The following KHDRBS2 variants were observed in gnomAD, a reference collection of about 807,000 sequenced individuals.
The protein encoded by KHDRBS2 is KH domain-containing, RNA-binding, signal transduction-associated protein 2.
In KHDRBS2, 26 loss-of-function variants were observed where a neutral mutation model predicts 44.3. The observed-to-expected ratio is 0.59, with a 90% CI of 0.43 to 0.81. The LOEUF (loss-of-function observed/expected upper bound fraction) is 0.81. KHDRBS2 is among the 40% of genes least tolerant of loss of function. The pLI is 0.00. For missense variants in KHDRBS2, 476 were observed against 433.1 expected (o/e 1.10, Z -0.88); for synonymous variants, 194 against 151.1 (o/e 1.28, Z -2.08).
At position 62,254,435 on chromosome 6, in the gene KHDRBS2, T is replaced by C. The variant is rs1837043616; in HGVS notation, c.91+31423A>G. Among the ~76,000 whole-genome samples, 3 of 152,010 alleles carry C rather than the reference T, an allele frequency of 2.0e-5. No homozygotes were observed. In the South Asian group the frequency reaches 6.2e-4, roughly 31 times the overall value. ...ATGTTTTCAATAAAAGCAAATATGA[T>C]TATGAGACAGAGGGGAGTGAGGAGG... On this transcript the variant is annotated intron_variant, in intron 1 of 8. Coordinates refer to ENST00000281156, the MANE Select transcript of KHDRBS2 (RefSeq NM_152688.4).
intron 6 of KHDRBS2, among the ~76,000 whole-genome samples, chr6:61,802,557 C>T (rs1342130723): frequency 6.6e-6 from 1 of 152,080 alleles, no homozygotes; most frequent in Non-Finnish European, 1.5e-5. Context: ...AATCTGTACA[C>T]AATAAGTTAT....
the KHDRBS2 span, among the ~76,000 whole-genome samples, chr6:61,560,627 C>G: frequency 1.3e-5 from 2 of 152,158 alleles, no homozygotes; most frequent in East Asian, 3.9e-4. Flanking sequence ...ATTCCAATTG[C>G]ATTTTTCAGA....
At chr6:62,179,122 A>G (rs1221544114) in intron 1 of KHDRBS2, among the ~76,000 whole-genome samples, 2 of 151,560 alleles carry the variant, frequency 1.3e-5, no homozygotes, top group Non-Finnish European at 3.0e-5. Flanking sequence ...CTTTTCGCAT[A>G]CTATTTATTT....
At chr6:61,639,226 T>G in the KHDRBS2 span, among the ~76,000 whole-genome samples, 48 of 152,208 alleles carry the variant, frequency 3.2e-4, no homozygotes, top group African/African-American at 1.0e-3. Flanking sequence ...GACTGCCTGC[T>G]CTAAAGGACA....
At chr6:61,633,722 A>G in the KHDRBS2 span, among the ~76,000 whole-genome samples, 1 of 152,010 alleles carries the variant, frequency 6.6e-6, no homozygotes, top group African/African-American at 2.4e-5. Flanking sequence ...TGCCAAATAT[A>G]AGAATGAGCA....
At chr6:61,908,673 A>T (rs1805500742) in intron 4 of KHDRBS2, among the ~76,000 whole-genome samples, 1 of 151,750 alleles carries the variant, frequency 6.6e-6, no homozygotes, top group Admixed American at 6.6e-5. Flanking sequence ...TAAAAGAAAA[A>T]TTGACATATG....
At chr6:61,929,156 T>C (rs530958088) in intron 4 of KHDRBS2, among the ~76,000 whole-genome samples, 2 of 152,124 alleles carry the variant, frequency 1.3e-5, no homozygotes, top group Non-Finnish European at 1.5e-5. Context: ...TGTGTGGTTA[T>C]AAAAGTCACC....
chr6:61,599,468 C>A, the KHDRBS2 span, among the ~76,000 whole-genome samples: 10 of 151,946 alleles, frequency 6.6e-5, no homozygotes, highest in South Asian at 2.1e-4. Flanking sequence ...GTAGCCCCCC[C>A]AAAAAATTTT....
intron 2 of KHDRBS2, among the ~76,000 whole-genome samples, chr6:62,061,843 T>G (rs2127327551): frequency 6.7e-6 from 1 of 149,280 alleles, no homozygotes; most frequent in East Asian, 2.0e-4. Context: ...TTTCACATAG[T>G]CCCATATTTC....
intron 6 of KHDRBS2, among the ~76,000 whole-genome samples, chr6:61,843,477 C>T (rs1793908910): frequency 6.6e-6 from 1 of 151,384 alleles, no homozygotes; most frequent in African/African-American, 2.4e-5. Flanking sequence ...CCTTGAACTA[C>T]TCTCAGCCTC....
intron 3 of KHDRBS2, among the ~76,000 whole-genome samples, chr6:62,036,098 A>G (rs1194554624): frequency 6.6e-6 from 1 of 151,988 alleles, no homozygotes; most frequent in Non-Finnish European, 1.5e-5. Flanking sequence ...CTAGAGTTGC[A>G]GAGAAGTGGT....
chr6:62,216,673 A>G (rs1471740519), intron 1 of KHDRBS2, among the ~76,000 whole-genome samples: 1 of 147,382 alleles, frequency 6.8e-6, no homozygotes, highest in Non-Finnish European at 1.5e-5. Context: ...GCTTCAAATA[A>G]TCTAAACATA....
chr6:61,586,499 C>G, the KHDRBS2 span, among the ~76,000 whole-genome samples: 2 of 152,150 alleles, frequency 1.3e-5, no homozygotes, highest in African/African-American at 2.4e-5. Context: ...ATGACAGTGT[C>G]CAAGACTTTT....
the KHDRBS2 span, among the ~76,000 whole-genome samples, chr6:61,647,934 T>G: frequency 6.6e-6 from 1 of 152,124 alleles, no homozygotes; most frequent in Non-Finnish European, 1.5e-5. Flanking sequence ...AACAAGTATC[T>G]TGGTAAAAAA....
At chr6:61,660,535 A>T in the KHDRBS2 span, among the ~76,000 whole-genome samples, 1 of 151,876 alleles carries the variant, frequency 6.6e-6, no homozygotes, top group East Asian at 1.9e-4. Context: ...AGTTATTTTA[A>T]AATACAAGAA....
At chr6:62,054,057 T>C (rs13215248) in intron 2 of KHDRBS2, among the ~76,000 whole-genome samples, 7 of 152,092 alleles carry the variant, frequency 4.6e-5, no homozygotes, top group Non-Finnish European at 1.0e-4. Flanking sequence ...AGATATATTG[T>C]GTTCATAAAT....
At chr6:62,085,379 A>T (rs1258331647) in intron 2 of KHDRBS2, among the ~76,000 whole-genome samples, 1 of 152,144 alleles carries the variant, frequency 6.6e-6, no homozygotes, top group Non-Finnish European at 1.5e-5. Context: ...AATCATTAAA[A>T]TATGGAGGGT....
rs375690873 is a variant in KHDRBS2, at chr6:62,096,418, A to C, written c.220-48424T>G. Among the ~76,000 whole-genome samples the C allele has an allele frequency of 6.6e-5, 10 of 151,770 alleles. No homozygotes were observed. In the East Asian group the frequency reaches 7.7e-4, roughly 12 times the overall value. ...ATTTTCATTCATTTTTGGTCTTATA[A>C]GATTATCTATTTATTCATGATTCAA... On this transcript the variant is annotated intron_variant, in intron 2 of 8. Transcript: ENST00000281156.
chr6:62,181,473 G>T (rs1240935488), intron 1 of KHDRBS2, among the ~76,000 whole-genome samples: 1 of 151,908 alleles, frequency 6.6e-6, no homozygotes, highest in Non-Finnish European at 1.5e-5. Context: ...TCAGAGAAAT[G>T]CAAATCAAAG....
Sources: gnomAD v4.1 joint callset for allele counts (sites outside exome capture counted in the v4.1 genomes callset) on GRCh38, gnomAD v4.1.1 for gene constraint, MANE v1.5 for transcripts, NCBI Gene and HGNC (gene_info 2026-07-23, HGNC 2026-07-21) for gene names.